The following CDH11 variants were observed in gnomAD, a reference collection of about 807,000 sequenced individuals.
CDH11 encodes cadherin 11.
A neutral mutation model predicts 67.8 loss-of-function variants in CDH11; 11 were observed. The observed-to-expected ratio is 0.16, with a 90% CI of 0.10 to 0.27. CDH11 has a LOEUF of 0.27. Ranked by LOEUF, CDH11 falls within the 10% of genes least tolerant of loss-of-function variation. The pLI, the probability that CDH11 is intolerant of heterozygous loss-of-function variation, is 1.00. For synonymous variants in CDH11, 419 were observed against 400.0 expected (o/e 1.05, Z -0.57); for missense variants, 847 against 1,031.2 (o/e 0.82, Z 2.45).
At chr16:65,051,458 T>TAA (rs80216954) in intron 2 of CDH11, among the ~76,000 whole-genome samples, 139,301 of 152,110 alleles carry the variant, frequency 0.92, 63,840 homozygotes, top group East Asian at 1. Flanking sequence ...AGGACAGTGG[T>TAA]AAGACACAAA....
intron 3 of CDH11, among the ~76,000 whole-genome samples, chr16:64,999,457 C>A (rs2072860278): frequency 6.6e-6 from 1 of 152,186 alleles, no homozygotes; most frequent in Non-Finnish European, 1.5e-5. Flanking sequence ...ATTCAGGTGA[C>A]TATTCCACAT....
chr16:65,046,873 C>T (rs1028982234), intron 2 of CDH11, among the ~76,000 whole-genome samples: 1 of 152,074 alleles, frequency 6.6e-6, no homozygotes, highest in Non-Finnish European at 1.5e-5. Flanking sequence ...TTTGGGAGGC[C>T]GAGGCGGGCA....
chr16:65,112,601 A>T lies in CDH11; in HGVS notation c.-298+9279T>A, dbSNP rs1040764253. Among the ~76,000 whole-genome samples the T allele has an allele frequency of 1.4e-4, 21 of 152,200 alleles. 3 individuals are homozygous for T. Among genetic ancestry groups the T allele is most frequent in the Admixed American group, 1.2e-3 (19 of 15,280 alleles). On this transcript the variant is annotated intron_variant, in intron 1 of 12. Transcript: ENST00000268603. ...CCCAACCCAGGACCTTGCATTAATG[A>T]CAAAGAAATGGGTTTGAAATGAATT... is the stretch of plus-strand genomic sequence containing the variant.
chr16:64,999,920 A>C (rs1158039275), intron 3 of CDH11, among the ~76,000 whole-genome samples: 1 of 152,200 alleles, frequency 6.6e-6, no homozygotes, highest in Non-Finnish European at 1.5e-5. Context: ...ACTACAAACA[A>C]TTCAACTTAT....
At chr16:65,117,824 A>G (rs561279315) in intron 1 of CDH11, among the ~76,000 whole-genome samples, 1 of 152,162 alleles carries the variant, frequency 6.6e-6, no homozygotes. Flanking sequence ...CCAGAAAAAA[A>G]TCCAGAAAAT....
intron 1 of CDH11, among the ~76,000 whole-genome samples, chr16:65,087,326 C>T (rs961548063): frequency 1.3e-5 from 2 of 152,064 alleles, no homozygotes; most frequent in Non-Finnish European, 2.9e-5. Context: ...ATGCAAGTGG[C>T]TCAGTATAAG....
At chr16:65,043,356 A>G (rs970015736) in intron 2 of CDH11, among the ~76,000 whole-genome samples, 2 of 151,522 alleles carry the variant, frequency 1.3e-5, no homozygotes, top group Admixed American at 1.3e-4. Context: ...GATGTTTACT[A>G]GGGGGTACCC....
chr16:65,072,098 G>A (rs2074427850), intron 1 of CDH11: 1 of 152,398 alleles, frequency 6.6e-6, no homozygotes, highest in South Asian at 2.1e-4. Context: ...GGACTTCCTT[G>A]ACAGGCAGAT....
intron 1 of CDH11, among the ~76,000 whole-genome samples, chr16:65,111,643 G>A (rs2142883702): frequency 6.8e-6 from 1 of 147,978 alleles, no homozygotes; most frequent in East Asian, 2.1e-4. Context: ...TAGATTTCTG[G>A]CTTCAGTCCT....
At chr16:64,954,723 G>C (rs546158148) in intron 11 of CDH11, among the ~76,000 whole-genome samples, 2 of 152,100 alleles carry the variant, frequency 1.3e-5, no homozygotes. Context: ...ATGGGAGTGC[G>C]AGCCTTCTCT....
chr16:65,024,477 C>G (rs1212239045), intron 2 of CDH11, among the ~76,000 whole-genome samples: 3 of 152,066 alleles, frequency 2.0e-5, no homozygotes, highest in African/African-American at 7.2e-5. Context: ...AGTAAATAAC[C>G]ACTGGTTTAG....
At chr16:64,974,220 A>G (rs569625143) in intron 8 of CDH11, among the ~76,000 whole-genome samples, 1 of 152,120 alleles carries the variant, frequency 6.6e-6, no homozygotes, top group Admixed American at 6.5e-5. Context: ...ACTCCCTTAT[A>G]CTAACTCCAA....
intron 3 of CDH11, among the ~76,000 whole-genome samples, chr16:65,001,336 C>A (rs79177987): frequency 6.6e-6 from 1 of 152,140 alleles, no homozygotes; most frequent in Non-Finnish European, 1.5e-5. Context: ...TGTTTGATGG[C>A]CTATGACGGA....
chr16:65,082,552 G>C (rs1345017588), intron 1 of CDH11, among the ~76,000 whole-genome samples: 1 of 152,152 alleles, frequency 6.6e-6, no homozygotes, highest in Non-Finnish European at 1.5e-5. Flanking sequence ...TAAAATGTAA[G>C]CTCCAGATTC....
rs2074685446 is a variant in CDH11 at position 65,085,664 on chromosome 16, T to C, written c.-297-31736A>G. The stretch of plus-strand genomic sequence containing the variant: ...CAGAGATCCACTCGGTTCTGCTTTT[T>C]ACTGAAGCTCACTACTTTTAGACAC... On this transcript the variant is annotated intron_variant, in intron 1 of 12. Transcript: ENST00000268603. Among the ~76,000 whole-genome samples the C allele has an allele frequency of 3.3e-5, 5 of 152,342 alleles. No individual in the cohort carries two copies. In the South Asian group the frequency reaches 1.0e-3, roughly 32 times the overall value.
At chr16:65,097,770 T>C (rs182129101) in intron 1 of CDH11, among the ~76,000 whole-genome samples, 6 of 152,132 alleles carry the variant, frequency 3.9e-5, no homozygotes, top group Non-Finnish European at 8.8e-5. Context: ...CCACAACACA[T>C]GGGATCCTTT....
chr16:65,117,556 G>A (rs918923570), intron 1 of CDH11, among the ~76,000 whole-genome samples: 1 of 152,142 alleles, frequency 6.6e-6, no homozygotes, highest in Non-Finnish European at 1.5e-5. Context: ...TTTACTCTCT[G>A]CTAAAGTTAG....
At chr16:65,094,438 C>CAT (rs2074848737) in intron 1 of CDH11, among the ~76,000 whole-genome samples, 1 of 151,950 alleles carries the variant, frequency 6.6e-6, no homozygotes, top group Admixed American at 6.6e-5. Flanking sequence ...CACACACACA[C>CAT]ACATACACAC....
chr16:64,994,057 T>C (rs59407170), intron 4 of CDH11, among the ~76,000 whole-genome samples: 22,776 of 152,228 alleles, frequency 0.15, 2,289 homozygotes, highest in East Asian at 0.42. Flanking sequence ...TGTAACATTT[T>C]CAGCAGAGGG....
Sources: gnomAD v4.1 joint callset for allele counts (sites outside exome capture counted in the v4.1 genomes callset) on GRCh38, gnomAD v4.1.1 for gene constraint, MANE v1.5 for transcripts, NCBI Gene and HGNC (gene_info 2026-07-23, HGNC 2026-07-21) for gene names.